The following DLC1 variants were observed in gnomAD, a reference collection of about 807,000 sequenced individuals.
DLC1 encodes the protein DLC1 Rho GTPase activating protein.
Under a neutral mutation model 140.3 loss-of-function variants are expected in DLC1, and 54 were observed. That is an observed-to-expected ratio of 0.38 (90% CI 0.31 to 0.48). The LOEUF is 0.48. DLC1 is among the 20% of genes least tolerant of loss of function. The pLI, the probability that DLC1 is intolerant of heterozygous loss-of-function variation, is 0.96. For missense variants in DLC1, 2,536 were observed against 1,907.0 expected, an observed-to-expected ratio of 1.33 and a Z score of -6.14; for synonymous variants, 986 against 728.1, an observed-to-expected ratio of 1.35 and a Z score of -5.70.
At chr8:13,413,256 A>AGTTTTTTTTTTTTTTTTT (rs1491415150) in intron 2 of DLC1, among the ~76,000 whole-genome samples, 2 of 82,006 alleles carry the variant, frequency 2.4e-5, no homozygotes, top group Non-Finnish European at 4.5e-5. Flanking sequence ...TTTTTTTGCG[A>AGTTTTTTTTTTTTTTTTT]TTTTTTTTTT....
At chr8:13,431,204 G>A (rs1838848132) in intron 2 of DLC1, among the ~76,000 whole-genome samples, 1 of 152,080 alleles carries the variant, frequency 6.6e-6, no homozygotes, top group South Asian at 2.1e-4. Context: ...TCAAGCATTG[G>A]CCAGGCACAG....
At position 13,371,565 on chromosome 8, in the gene DLC1, C is replaced by T. The variant is rs559391731; in HGVS notation, c.1314+21988G>A. The stretch of plus-strand genomic sequence containing the variant: ...CATGCGGTGGACTTTTGCACCTTCA[C>T]GCCTTGGCTCACAATGACTTTTTTT... On this transcript the variant is annotated intron_variant, in intron 4 of 17. Transcript: ENST00000276297. 8.1e-4 allele frequency among the ~76,000 whole-genome samples: 121 copies of T among 148,620 alleles called. 1 individual carries two copies. Among genetic ancestry groups the T allele is most frequent in the African/African-American group, 2.9e-3 (117 of 39,702 alleles).
intron 13 of DLC1, among the ~76,000 whole-genome samples, chr8:13,092,404 G>A (rs1253382925): frequency 6.6e-6 from 1 of 152,168 alleles, no homozygotes; most frequent in South Asian, 2.1e-4. Flanking sequence ...TTGTCTGTGG[G>A]GGTTAAGTCC....
rs1210720381 is a variant in DLC1, at chr8:13,499,583, G to A, written c.489C>T (p.Ser163=). 1 of 1,614,128 alleles carries A rather than the reference G, an allele frequency of 6.2e-7. No individual in the cohort carries two copies. Among genetic ancestry groups the A allele is most frequent in the South Asian group, 1.1e-5 (1 of 91,078 alleles). The change falls in exon 2 of 18, where the codon TCC becomes TCT. Residue 163 remains serine, a synonymous_variant. Coordinates refer to ENST00000276297, the MANE Select transcript of DLC1 (RefSeq NM_182643.3). Reference sequence around the variant, plus strand: ...ATTCAGTTTCACCAGCTATTCCCCAGGAGTTAGAAGAAACTTGGTTACTTT... The same window carrying A: ...ATTCAGTTTCACCAGCTATTCCCCAAGAGTTAGAAGAAACTTGGTTACTTT... ...IIQSNQVSSN[S]WGIAGETELA...
chr8:13,129,129 T>C (rs1468241785), intron 5 of DLC1, among the ~76,000 whole-genome samples: 1 of 152,206 alleles, frequency 6.6e-6, no homozygotes, highest in African/African-American at 2.4e-5. Flanking sequence ...CTCTAACTAA[T>C]TTGAAGCTGA....
At chr8:13,441,110 C>T (rs1313881081) in intron 2 of DLC1, among the ~76,000 whole-genome samples, 1 of 152,176 alleles carries the variant, frequency 6.6e-6, no homozygotes, top group African/African-American at 2.4e-5. Context: ...ATCATCAATA[C>T]ATTTAAAACT....
chr8:13,296,277 A>G (rs1214288192), intron 5 of DLC1, among the ~76,000 whole-genome samples: 1 of 152,054 alleles, frequency 6.6e-6, no homozygotes, highest in African/African-American at 2.4e-5. Flanking sequence ...TAAATGGAAG[A>G]TCTTTAGTGG....
chr8:13,473,653 A>C (rs1232290318), intron 2 of DLC1, among the ~76,000 whole-genome samples: 1 of 151,986 alleles, frequency 6.6e-6, no homozygotes, highest in Non-Finnish European at 1.5e-5. Flanking sequence ...TGCTGATAGT[A>C]ATATGGACAA....
intron 1 of DLC1, among the ~76,000 whole-genome samples, chr8:13,551,005 T>C (rs1007782434): frequency 6.7e-6 from 1 of 150,234 alleles, no homozygotes; most frequent in Non-Finnish European, 1.5e-5. Flanking sequence ...TATTTTACTT[T>C]CCACAAAAAG....
intron 5 of DLC1, among the ~76,000 whole-genome samples, chr8:13,265,139 T>C (rs1481853360): frequency 6.6e-6 from 1 of 152,214 alleles, no homozygotes; most frequent in East Asian, 1.9e-4. Context: ...AGACATTACT[T>C]AATGTGGTTT....
intron 5 of DLC1, among the ~76,000 whole-genome samples, chr8:13,140,655 C>T (rs144962911): frequency 2.0e-4 from 31 of 152,038 alleles, no homozygotes; most frequent in African/African-American, 7.2e-4. Context: ...ATGTCATCTG[C>T]CTTTCAAGCT....
chr8:13,197,396 T>A (rs1827128922), intron 5 of DLC1, among the ~76,000 whole-genome samples: 2 of 152,102 alleles, frequency 1.3e-5, no homozygotes, highest in Non-Finnish European at 2.9e-5. Context: ...TCGCCCAGGC[T>A]GGAGTGCAGT....
rs573654850 is a variant in DLC1 at position 13,228,121 on chromosome 8, T to C, written c.1348+77148A>G. Among the ~76,000 whole-genome samples the C allele has an allele frequency of 2.4e-3, 359 of 152,274 alleles. 3 individuals are homozygous for C. Among genetic ancestry groups the C allele is most frequent in the African/African-American group, 7.6e-3 (315 of 41,572 alleles). On this transcript the variant is annotated intron_variant, in intron 5 of 17. Transcript: ENST00000276297. ...TGTATATAAATGGGAATAATTATTG[T>C]TGGAACAAAACTCAAGTGACCATGA...
chr8:13,088,704 C>T lies in DLC1; in HGVS notation c.4075G>A (p.Val1359Met), dbSNP rs778306966. ...AGCCTCAGAGGGGGTCCTTCGCTCA[C>T]CTGGAAAGAGGATGTATTTTTCAGT... ...SEQAELSYKKVSEGPPLRLWR... is the reference protein window; with the variant it reads ...SEQAELSYKKMSEGPPLRLWR... The change falls in exon 16 of 18, where the codon GTG becomes ATG. Residue 1359 changes from valine (V) to methionine (M), a missense_variant and splice_region_variant. Val to Met is a conservative substitution (Grantham distance 21, BLOSUM62 1). Transcript: ENST00000276297. 7.4e-6 allele frequency: 12 copies of T among 1,613,788 alleles called. No homozygotes were observed. The highest frequency in any genetic ancestry group is 1.1e-5 in the South Asian group (1 of 91,032).
At chr8:13,578,928 C>G (rs1423350238) in intron 1 of DLC1, among the ~76,000 whole-genome samples, 1 of 151,926 alleles carries the variant, frequency 6.6e-6, no homozygotes, top group Non-Finnish European at 1.5e-5. Flanking sequence ...ACTCCCCTCC[C>G]CAGAGGTTGA....
intron 5 of DLC1, among the ~76,000 whole-genome samples, chr8:13,300,280 T>A (rs111832956): frequency 1.1e-4 from 17 of 152,168 alleles, no homozygotes; most frequent in East Asian, 5.8e-4. Flanking sequence ...GGGCCTTTTT[T>A]GGGGAGGATG....
At chr8:13,478,212 G>C (rs544115914) in intron 2 of DLC1, among the ~76,000 whole-genome samples, 4 of 152,072 alleles carry the variant, frequency 2.6e-5, no homozygotes, top group Admixed American at 6.6e-5. Flanking sequence ...GAAAGTGAAG[G>C]GGGAGCAGGC....
chr8:13,284,961 G>T (rs906398148), intron 5 of DLC1, among the ~76,000 whole-genome samples: 2 of 152,066 alleles, frequency 1.3e-5, no homozygotes, highest in Non-Finnish European at 2.9e-5. Context: ...CCAAACTATA[G>T]ATTCAACACA....
At chr8:13,361,023 G>A (rs1366287095) in intron 4 of DLC1, among the ~76,000 whole-genome samples, 1 of 152,070 alleles carries the variant, frequency 6.6e-6, no homozygotes, top group African/African-American at 2.4e-5. Context: ...TTGAGCTCAG[G>A]AGTTCAAGTC....
Sources: gnomAD v4.1 joint callset for allele counts (sites outside exome capture counted in the v4.1 genomes callset) on GRCh38, gnomAD v4.1.1 for gene constraint, MANE v1.5 for transcripts, NCBI Gene and HGNC (gene_info 2026-07-23, HGNC 2026-07-21) for gene names.